WDR47: variants seen among roughly 807,000 people sequenced by gnomAD.
WDR47 encodes the protein WD repeat-containing protein 47.
Under a neutral mutation model 97.2 loss-of-function variants are expected in WDR47, and 32 were observed. The ratio of observed to expected loss-of-function variants is 0.33; its 90% CI spans 0.25 to 0.44. The LOEUF (loss-of-function observed/expected upper bound fraction) is 0.44. WDR47 is among the 20% of genes least tolerant of loss of function. WDR47 has a pLI of 1.00. For missense variants in WDR47, 782 were observed against 1,102.3 expected, an observed-to-expected ratio of 0.71 and a Z score of 4.11; for synonymous variants, 375 against 373.5, an observed-to-expected ratio of 1.00 and a Z score of -0.05.
chr1:109,013,414 T>A (rs1234596502), intron 4 of WDR47, among the ~76,000 whole-genome samples: 2 of 152,030 alleles, frequency 1.3e-5, no homozygotes, highest in Non-Finnish European at 2.9e-5. Flanking sequence ...TTTAATTTCA[T>A]TAAATTTAAA....
intron 4 of WDR47, 114 bp from the exon 5 acceptor site, chr1:109,011,832 T>G: frequency 1.0e-6 from 1 of 965,988 alleles, no homozygotes; most frequent in Middle Eastern, 3.4e-4. Context: ...TCATATAATT[T>G]GTAGGATATG....
intron 1 of WDR47, among the ~76,000 whole-genome samples, chr1:109,026,510 G>A (rs11485106): frequency 0.11 from 16,204 of 152,036 alleles, 1,005 homozygotes; most frequent in African/African-American, 0.16. Flanking sequence ...TCCTTGCAGA[G>A]CAGGCTACCC....
chr1:108,973,485 C>T (rs905612431), intron 14 of WDR47, among the ~76,000 whole-genome samples: 2 of 152,012 alleles, frequency 1.3e-5, no homozygotes, highest in African/African-American at 4.8e-5. Context: ...TAAATATTTG[C>T]TTGATGAATG....
intron 7 of WDR47, among the ~76,000 whole-genome samples, chr1:109,000,099 G>A (rs2101895692): frequency 6.6e-6 from 1 of 152,174 alleles, no homozygotes; most frequent in African/African-American, 2.4e-5. Context: ...TAATCTCAGA[G>A]CTTTGGGAGA....
At chr1:109,006,317 C>T (rs954645818) in intron 5 of WDR47, among the ~76,000 whole-genome samples, 3 of 151,996 alleles carry the variant, frequency 2.0e-5, no homozygotes, top group Non-Finnish European at 4.4e-5. Context: ...CACTTGAACC[C>T]GGGAGGCGGA....
At chr1:108,981,121 C>T (rs183774719) in intron 13 of WDR47, among the ~76,000 whole-genome samples, 2,126 of 149,828 alleles carry the variant, frequency 0.014, 34 homozygotes, top group Admixed American at 0.025. Context: ...GTGTGAGATT[C>T]CATCTCAAAA....
chr1:109,023,576 T>C (rs1557957662), intron 1 of WDR47, 55 bp from the exon 2 acceptor site: 3 of 1,546,062 alleles, frequency 1.9e-6, no homozygotes, highest in South Asian at 2.5e-5. Context: ...ATTTCTAAGT[T>C]TAACTGCCTG....
chr1:108,994,422 A>T (rs1383879683), intron 8 of WDR47, among the ~76,000 whole-genome samples: 1 of 152,100 alleles, frequency 6.6e-6, no homozygotes, highest in East Asian at 1.9e-4. Context: ...AAACAGTAAT[A>T]GAAGTATGTT....
chr1:109,002,201 T>TA (rs1199586438), intron 7 of WDR47, 23 bp downstream of exon 7: 1 of 1,530,806 alleles, frequency 6.5e-7, no homozygotes, highest in Non-Finnish European at 8.7e-7. Flanking sequence ...CTCCATATTT[T>TA]AAAAAGTGAT....
chr1:109,009,703 A>G (rs530680601), intron 5 of WDR47, among the ~76,000 whole-genome samples: 1 of 152,312 alleles, frequency 6.6e-6, no homozygotes, highest in East Asian at 1.9e-4. Context: ...AGTTTTTAAA[A>G]ATGTATTCAT....
intron 8 of WDR47, among the ~76,000 whole-genome samples, 174 bp from the exon 9 acceptor site, chr1:108,991,503 A>T (rs1659347210): frequency 6.6e-6 from 1 of 152,178 alleles, no homozygotes; most frequent in Non-Finnish European, 1.5e-5. Flanking sequence ...CACCAATGAC[A>T]GTTGTAAGGA....
At chr1:109,041,477 G>A (rs1007021597) in intron 1 of WDR47, 1 of 152,286 alleles carries the variant, frequency 6.6e-6, no homozygotes, top group African/African-American at 2.4e-5. Context: ...CGACCAAGGG[G>A]CGAGGAAGGA....
At chr1:108,986,434 C>A in intron 10 of WDR47, 89 bp downstream of exon 10, 1 of 1,146,058 alleles carries the variant, frequency 8.7e-7, no homozygotes, top group Non-Finnish European at 1.2e-6. Context: ...AGATTTGAAA[C>A]ACTACTGAAT....
intron 5 of WDR47, among the ~76,000 whole-genome samples, chr1:109,008,868 A>C (rs1474267069): frequency 6.6e-6 from 1 of 152,132 alleles, no homozygotes; most frequent in Non-Finnish European, 1.5e-5. Context: ...TCGGCCTCCC[A>C]AAGTGCTGGG....
At chr1:109,010,859 G>A in intron 5 of WDR47, 57 bp downstream of exon 5, 4 of 1,524,698 alleles carry the variant, frequency 2.6e-6, no homozygotes, top group African/African-American at 1.4e-5. Context: ...TGGGATTACA[G>A]GCATAAGCCA....
At chr1:109,017,943 T>C (rs1661539311) in intron 2 of WDR47, among the ~76,000 whole-genome samples, 1 of 151,458 alleles carries the variant, frequency 6.6e-6, no homozygotes, top group African/African-American at 2.4e-5. Flanking sequence ...GATACAGGGT[T>C]TCACCATGTT....
Position 108,991,327 on chromosome 1 carries a change from G to T in WDR47, c.1694C>A (p.Ser565Tyr). Residue 565 changes from serine to tyrosine, a missense_variant and splice_region_variant, in exon 9 of 15, where the codon TCT (serine) becomes TAT (tyrosine). By Grantham distance (144) the Ser-to-Tyr change is moderately radical (BLOSUM62 -2). Transcript: ENST00000369962. ...LEESPCGSQI[S>Y]SEHSVIKPPL... ...TGGCTTAATGACCGAATGTTCTGAA[G>T]AGCTGTGGGAGTAGAAATTCAAGTA... 2 of 1,608,688 alleles carry T rather than the reference G, an allele frequency of 1.2e-6. No homozygotes were observed. The highest frequency in any genetic ancestry group is 2.2e-5 in the South Asian group (2 of 90,430).
At chr1:109,017,053 T>C (rs1571226389) in intron 3 of WDR47, among the ~76,000 whole-genome samples, 1 of 152,352 alleles carries the variant, frequency 6.6e-6, no homozygotes, top group South Asian at 2.1e-4. Flanking sequence ...AATTTGAAGC[T>C]GCAGTGCCAC....
intron 3 of WDR47, 55 bp downstream of exon 3, chr1:109,017,463 T>C: frequency 3.4e-6 from 5 of 1,461,088 alleles, no homozygotes; most frequent in Non-Finnish European, 4.7e-6. Flanking sequence ...TTGTTCATTG[T>C]TTTGCTAAGC....
Sources: gnomAD v4.1 joint callset for allele counts (sites outside exome capture counted in the v4.1 genomes callset) on GRCh38, gnomAD v4.1.1 for gene constraint, MANE v1.5 for transcripts, NCBI Gene and HGNC (gene_info 2026-07-23, HGNC 2026-07-21) for gene names.